CYB5R1: variants seen among roughly 807,000 people sequenced by gnomAD.
CYB5R1 encodes cytochrome b5 reductase 1.
A neutral mutation model predicts 37.4 loss-of-function variants in CYB5R1; 32 were observed. The observed-to-expected ratio is 0.86, with a 90% confidence interval of 0.65 to 1.15. The LOEUF is 1.15. CYB5R1 is among the 50% of genes most tolerant of loss of function. The pLI, the probability that CYB5R1 is intolerant of heterozygous loss-of-function variation, is 0.00. For missense variants in CYB5R1, 345 were observed against 382.5 expected (o/e 0.90, Z 0.82); for synonymous variants, 159 against 155.2 (o/e 1.02, Z -0.18).
Position 202,966,620 on chromosome 1 carries a change from A to G in CYB5R1, c.166-20T>C, listed in dbSNP as rs1571578238. 4 of 1,614,128 alleles carry G rather than the reference A, an allele frequency of 2.5e-6. No homozygotes were observed. The Admixed American group carries it at 6.7e-5, about 27-fold the overall frequency. On this transcript the variant is annotated intron_variant, in intron 2 of 8. Transcript: ENST00000367249. ...CACAGTCTGGAGGGTGGAGGACACA[A>G]GTGTTTCACCAAGCGCGCCTGGCGC...
At position 202,966,742 on chromosome 1, in the gene CYB5R1, A is replaced by G. The variant is rs200281582; in HGVS notation, c.165+7T>C. On this transcript the variant is annotated splice_region_variant and intron_variant, in intron 2 of 8. Coordinates refer to ENST00000367249, the MANE Select transcript of CYB5R1 (RefSeq NM_016243.3). ...CCTTCACCCTGGCCCTTTCTTCCCC[A>G]ACTTACCGTCTTGTCTAGCAGTCGT... 1.2e-5 allele frequency: 20 copies of G among 1,613,628 alleles called. No individual in the cohort carries two copies. The highest frequency in any genetic ancestry group is 3.3e-4 in the Middle Eastern group (2 of 6,058).
intron 7 of CYB5R1, 85 bp downstream of exon 7, chr1:202,963,557 G>T: frequency 1.0e-6 from 1 of 1,002,512 alleles, no homozygotes; most frequent in Non-Finnish European, 1.5e-6. Flanking sequence ...AGGGCACTGG[G>T]CCAGTTCTGC....
At chr1:202,963,000 C>A (rs1380430832) in intron 8 of CYB5R1, 66 bp downstream of exon 8, 5 of 1,460,092 alleles carry the variant, frequency 3.4e-6, no homozygotes, top group Middle Eastern at 1.7e-4. Context: ...CCAGAATTCA[C>A]AAAGGGGCAA....
intron 8 of CYB5R1, 114 bp downstream of exon 8, chr1:202,962,952 C>A: frequency 9.3e-7 from 1 of 1,070,674 alleles, no homozygotes; most frequent in South Asian, 1.3e-5. Flanking sequence ...CTCAGACTTC[C>A]GAGTTGGCAG....
intron 8 of CYB5R1, 74 bp from the exon 9 acceptor site, chr1:202,962,773 G>A (rs770988478): frequency 2.1e-5 from 32 of 1,554,040 alleles, no homozygotes; most frequent in Middle Eastern, 1.8e-4. Flanking sequence ...CCATGAGACT[G>A]GGGAGGGCCC....
In CYB5R1 at chr1:202,966,594, TCA is replaced by T; in HGVS notation, c.170_171del (p.Val57GlufsTer33). 3.7e-6 allele frequency: 6 copies of T among 1,614,130 alleles called. No individual in the cohort carries two copies. Among genetic ancestry groups the T allele is most frequent in the Non-Finnish European group, 5.1e-6 (6 of 1,180,014 alleles). On this transcript the variant is annotated frameshift_variant, in exon 3 of 9. Coordinates refer to ENST00000367249, the MANE Select transcript of CYB5R1 (RefSeq NM_016243.3). LOFTEE classifies it high-confidence loss of function. ...YLLRLLDKTT[V>X]SHNTKRFRFA... Reference sequence around the variant, plus strand: ...AAGCGGAACCTCTTGGTGTTGTGGCTCACAGTCTGGAGGGTGGAGGACACAAG... The same window carrying T: ...AAGCGGAACCTCTTGGTGTTGTGGCTCAGTCTGGAGGGTGGAGGACACAAG...
intron 5 of CYB5R1, 49 bp downstream of exon 5, chr1:202,965,322 G>A (rs1480062183): frequency 6.5e-7 from 1 of 1,529,400 alleles, no homozygotes; most frequent in South Asian, 1.3e-5. Flanking sequence ...AGAGGACTAT[G>A]GGAACTGATA....
chr1:202,965,599 T>C, intron 4 of CYB5R1, 99 bp from the exon 5 acceptor site: 1 of 1,264,788 alleles, frequency 7.9e-7, no homozygotes, highest in Non-Finnish European at 1.1e-6. Flanking sequence ...GGATCAGATA[T>C]GTGCTATCTT....
Position 202,966,540 on chromosome 1 carries a change from C to A in CYB5R1, c.226G>T (p.Gly76Trp), listed in dbSNP as rs1283577921. ...ACACTTTCCTTACCCACAGGCAGCC[C>A]CAGAGTGTGGTGGGCGGTGGGCAGG... ...FALPTAHHTL[G>W]LPVGKHIYLS... The change falls in exon 3 of 9, where the codon GGG becomes TGG. Residue 76 changes from glycine (G) to tryptophan (W), a missense_variant. Physicochemically the swap from Gly to Trp is radical, Grantham distance 184. Transcript: ENST00000367249. 6.2e-7 allele frequency: 1 copy of A among 1,614,070 alleles called. No homozygotes were observed. Among genetic ancestry groups the A allele is most frequent in the African/African-American group, 1.3e-5 (1 of 74,930 alleles).
chr1:202,967,216 C>G lies in CYB5R1; in HGVS notation c.-11G>C. ...CGTCTGGATCCCCATGACGGAGCGC[C>G]TTTTCCTCCACCACCTGACAAGCCG... is the stretch of plus-strand genomic sequence containing the variant. On this transcript the variant is annotated 5_prime_UTR_variant, in exon 1 of 9. Transcript: ENST00000367249. 6.2e-7 allele frequency: 1 copy of G among 1,600,266 alleles called. No homozygotes were observed. The highest frequency in any genetic ancestry group is 1.7e-5 in the Admixed American group (1 of 59,340).
At chr1:202,966,968 A>T in intron 1 of CYB5R1, 70 bp from the exon 2 acceptor site, 1 of 1,505,948 alleles carries the variant, frequency 6.6e-7, no homozygotes, top group South Asian at 1.2e-5. Context: ...TGACCGTCCC[A>T]GGGGTGGCGA....
At position 202,966,900 on chromosome 1, in the gene CYB5R1, T is replaced by C; in HGVS notation, c.16-2A>G. The C allele has an allele frequency of 1.9e-6, 3 of 1,605,024 alleles. No homozygotes were observed. The highest frequency in any genetic ancestry group is 2.6e-6 in the Non-Finnish European group (3 of 1,175,948). On this transcript the variant is annotated splice_acceptor_variant, in intron 1 of 8. Transcript: ENST00000367249. LOFTEE classifies it high-confidence loss of function. Reference sequence around the variant, plus strand: ...CAGGGAGGCCAGCAGGACGGGGCTCTGTGGGTAGAGGAGGCAGCGTGACCG... The same window carrying C: ...CAGGGAGGCCAGCAGGACGGGGCTCCGTGGGTAGAGGAGGCAGCGTGACCG...
Position 202,967,225 on chromosome 1 carries a change from C to T in CYB5R1, c.-20G>A. 6.2e-7 allele frequency: 1 copy of T among 1,610,442 alleles called. No individual in the cohort carries two copies. Among genetic ancestry groups the T allele is most frequent in the Non-Finnish European group, 8.5e-7 (1 of 1,178,618 alleles). On this transcript the variant is annotated 5_prime_UTR_variant, in exon 1 of 9. Coordinates refer to ENST00000367249, the MANE Select transcript of CYB5R1 (RefSeq NM_016243.3). The stretch of plus-strand genomic sequence containing the variant: ...CCCCATGACGGAGCGCCTTTTCCTC[C>T]ACCACCTGACAAGCCGACAGATCCC...
intron 5 of CYB5R1, 24 bp downstream of exon 5, chr1:202,965,347 C>T (rs779965923): frequency 1.1e-5 from 17 of 1,553,266 alleles, no homozygotes; most frequent in Non-Finnish European, 1.4e-5. Flanking sequence ...GGGAGACAGG[C>T]TCAAGGAGAA....
At chr1:202,966,676 T>C (rs887941903) in intron 2 of CYB5R1, 73 bp downstream of exon 2, 4 of 1,613,282 alleles carry the variant, frequency 2.5e-6, no homozygotes, top group Non-Finnish European at 3.4e-6. Context: ...CCAACCACCG[T>C]GGGTGCTGTA....
intron 5 of CYB5R1, chr1:202,964,951 G>A (rs1300191928): frequency 5.7e-6 from 3 of 522,674 alleles, no homozygotes; most frequent in Admixed American, 3.3e-5. Context: ...GTCACTCCCT[G>A]GTGAAGGAGA....
In CYB5R1 at chr1:202,967,220, T is replaced by G; in HGVS notation, c.-15A>C. 2 of 1,548,892 alleles carry G rather than the reference T, an allele frequency of 1.3e-6. No homozygotes were observed. The highest frequency in any genetic ancestry group is 2.2e-5 in the South Asian group (2 of 89,202). On this transcript the variant is annotated 5_prime_UTR_variant, in exon 1 of 9. Coordinates refer to ENST00000367249, the MANE Select transcript of CYB5R1 (RefSeq NM_016243.3). ...TGGATCCCCATGACGGAGCGCCTTT[T>G]CCTCCACCACCTGACAAGCCGACAG...
intron 4 of CYB5R1, 133 bp from the exon 5 acceptor site, chr1:202,965,633 C>CT (rs141825609): frequency 0.19 from 146,887 of 791,402 alleles, 9,280 homozygotes; most frequent in Middle Eastern, 0.3. Flanking sequence ...TACTTTCTTT[C>CT]TTTCTTTTTT....
rs1322639046 is a variant in CYB5R1, at chr1:202,966,599, G to T, written c.167C>A (p.Thr56Asn). Residue 56 changes from threonine to asparagine, a missense_variant and splice_region_variant, in exon 3 of 9, where the codon ACT (threonine) becomes AAT (asparagine). Thr to Asn is a moderately conservative substitution (Grantham distance 65). Coordinates refer to ENST00000367249, the MANE Select transcript of CYB5R1 (RefSeq NM_016243.3). The stretch of plus-strand genomic sequence containing the variant: ...GAACCTCTTGGTGTTGTGGCTCACA[G>T]TCTGGAGGGTGGAGGACACAAGTGT... ...KYLLRLLDKT[T>N]VSHNTKRFRF... 2 of 1,614,222 alleles carry T rather than the reference G, an allele frequency of 1.2e-6. No homozygotes were observed. Among genetic ancestry groups the T allele is most frequent in the Non-Finnish European group, 1.7e-6 (2 of 1,180,042 alleles).
Sources: gnomAD v4.1 joint callset for allele counts on GRCh38, gnomAD v4.1.1 for gene constraint, MANE v1.5 for transcripts, NCBI Gene and HGNC (gene_info 2026-07-23, HGNC 2026-07-21) for gene names.